GPM6A: variants seen among roughly 807,000 people sequenced by gnomAD.
The protein encoded by GPM6A is neuronal membrane glycoprotein M6-a.
A neutral mutation model predicts 32.1 loss-of-function variants in GPM6A; 7 were observed. The observed-to-expected ratio is 0.22, with a 90% CI of 0.12 to 0.41. The LOEUF is 0.41. Ranked by LOEUF, GPM6A falls within the 10% of genes least tolerant of loss-of-function variation. The pLI is 1.00. For synonymous variants in GPM6A, 130 were observed against 123.4 expected, an observed-to-expected ratio of 1.05 and a Z score of -0.35; for missense variants, 235 against 347.2, an observed-to-expected ratio of 0.68 and a Z score of 2.57.
chr4:175,968,852 C>G (rs1243539524), intron 1 of GPM6A, among the ~76,000 whole-genome samples: 2 of 152,052 alleles, frequency 1.3e-5, no homozygotes, highest in Admixed American at 1.3e-4. Context: ...AATGGTACAG[C>G]CATTTTAGAA....
intron 1 of GPM6A, among the ~76,000 whole-genome samples, chr4:175,888,007 C>A (rs765536185): frequency 2.6e-5 from 4 of 151,678 alleles, no homozygotes; most frequent in Non-Finnish European, 5.9e-5. Context: ...AATCTTAATA[C>A]CAAAGACAGG....
Position 175,678,749 on chromosome 4 carries a change from G to T in GPM6A, c.231-4913C>A, listed in dbSNP as rs544442778. ...ACTTACAGATCAAATTTGACATCAA[G>T]AACACTTTAAAGAGTGTTTCATGGG... On this transcript the variant is annotated intron_variant, in intron 2 of 6. Coordinates refer to ENST00000393658, the MANE Select transcript of GPM6A (RefSeq NM_201591.3). Among the ~76,000 whole-genome samples the T allele has an allele frequency of 5.9e-5, 9 of 152,162 alleles. No individual in the cohort carries two copies. In the South Asian group the frequency reaches 1.0e-3, roughly 18 times the overall value.
chr4:175,787,000 TC>T, intron 1 of GPM6A: 1 of 235,118 alleles, frequency 4.3e-6, no homozygotes, highest in Non-Finnish European at 8.2e-6. Context: ...CGGCATTCCC[TC>T]CCCCAATTGA....
intron 1 of GPM6A, among the ~76,000 whole-genome samples, chr4:175,713,657 C>T (rs1336380462): frequency 6.6e-6 from 1 of 152,102 alleles, no homozygotes; most frequent in Non-Finnish European, 1.5e-5. Flanking sequence ...CAAAAACAAA[C>T]TCAAATGACA....
intron 1 of GPM6A, among the ~76,000 whole-genome samples, chr4:175,895,769 A>C (rs948761434): frequency 3.9e-5 from 6 of 152,194 alleles, no homozygotes; most frequent in Non-Finnish European, 8.8e-5. Flanking sequence ...ATTCTGTATT[A>C]AGTATACTGT....
chr4:175,651,520 C>T (rs371348203), intron 4 of GPM6A, among the ~76,000 whole-genome samples: 12 of 151,888 alleles, frequency 7.9e-5, no homozygotes, highest in East Asian at 1.9e-4. Flanking sequence ...GCAGACATCA[C>T]GTTGAGTTTG....
At position 175,821,318 on chromosome 4, in the gene GPM6A, G is replaced by T. The variant is rs1429076667; in HGVS notation, c.-22-9069C>A. On this transcript the variant is annotated intron_variant, in intron 1 of 7. Transcript: ENST00000280187. ...GTATATTCATGCCCTTCACTCATTTGCCCACAGTATTGTTTGCTTTTTGGT... is the reference window on the plus strand; with the variant it reads ...GTATATTCATGCCCTTCACTCATTTTCCCACAGTATTGTTTGCTTTTTGGT... Among the ~76,000 whole-genome samples, 6 of 151,878 alleles carry T rather than the reference G, an allele frequency of 4.0e-5. No homozygotes were observed. In the East Asian group the frequency reaches 1.2e-3, roughly 29 times the overall value.
At chr4:175,925,209 C>T (rs77153025) in intron 1 of GPM6A, among the ~76,000 whole-genome samples, 6 of 152,290 alleles carry the variant, frequency 3.9e-5, no homozygotes, top group African/African-American at 9.6e-5. Context: ...CAATGATTTA[C>T]GATGTGAAAC....
intron 1 of GPM6A, among the ~76,000 whole-genome samples, chr4:175,902,582 A>T (rs2111493337): frequency 6.6e-6 from 1 of 152,244 alleles, no homozygotes; most frequent in East Asian, 1.9e-4. Context: ...GCAAAATAAA[A>T]GATTTGGGTG....
chr4:175,968,003 T>A (rs560444729), intron 1 of GPM6A, among the ~76,000 whole-genome samples: 84 of 152,234 alleles, frequency 5.5e-4, no homozygotes, highest in African/African-American at 2.0e-3. Context: ...AGGACTGATA[T>A]CACCTGACTT....
chr4:175,637,692 A>AATATATT (rs1342030112), intron 6 of GPM6A, among the ~76,000 whole-genome samples: 1 of 80,902 alleles, frequency 1.2e-5, no homozygotes, highest in Non-Finnish European at 2.1e-5. Context: ...TATAATATAT[A>AATATATT]ATATATTATA....
At chr4:175,804,661 CAAAT>C (rs1369449309) in intron 1 of GPM6A, among the ~76,000 whole-genome samples, 1 of 152,106 alleles carries the variant, frequency 6.6e-6, no homozygotes, top group African/African-American at 2.4e-5. Flanking sequence ...TTTTCCTTGA[CAAAT>C]AAATCATGCT....
chr4:175,828,392 T>A (rs904137006), intron 1 of GPM6A, among the ~76,000 whole-genome samples: 2 of 152,194 alleles, frequency 1.3e-5, no homozygotes, highest in African/African-American at 4.8e-5. Flanking sequence ...TTTGGATGGT[T>A]CCATGGCCTC....
upstream of GPM6A, chr4:175,812,817 T>C (rs915988773): frequency 3.0e-6 from 3 of 985,250 alleles, no homozygotes; most frequent in African/African-American, 5.2e-5. Flanking sequence ...GTCAGATACG[T>C]TGCAAAAAAA....
chr4:175,823,388 G>A (rs10520313), intron 1 of GPM6A, among the ~76,000 whole-genome samples: 11,021 of 152,114 alleles, frequency 0.072, 419 homozygotes, highest in East Asian at 0.11. Flanking sequence ...AATAAGATAC[G>A]TCAGTTAAGC....
At chr4:175,734,153 TA>T (rs368779364) in intron 1 of GPM6A, among the ~76,000 whole-genome samples, 30,626 of 147,282 alleles carry the variant, frequency 0.21, 3,395 homozygotes, top group Non-Finnish European at 0.25. Context: ...TATATATATA[TA>T]TATATATTTT....
intron 1 of GPM6A, chr4:175,781,188 C>T (rs1042909513): frequency 7.2e-5 from 11 of 151,932 alleles, no homozygotes; most frequent in Admixed American, 6.6e-4. Context: ...GTTTTAATAA[C>T]ACGACTCAAA....
intron 1 of GPM6A, among the ~76,000 whole-genome samples, chr4:175,879,471 TC>T (rs1354401031): frequency 4.6e-5 from 7 of 152,150 alleles, no homozygotes; most frequent in Non-Finnish European, 1.0e-4. Flanking sequence ...AGCTAACTCT[TC>T]ACAGGGCGGC....
At chr4:175,813,026 A>G (rs930955610), upstream of GPM6A, 10 of 984,012 alleles carry the variant, frequency 1.0e-5, no homozygotes, top group African/African-American at 1.7e-4. Flanking sequence ...TCTAAGCCTG[A>G]GAGATACATG....
Sources: gnomAD v4.1 joint callset for allele counts (sites outside exome capture counted in the v4.1 genomes callset) on GRCh38, gnomAD v4.1.1 for gene constraint, MANE v1.5 for transcripts, NCBI Gene and HGNC (gene_info 2026-07-23, HGNC 2026-07-21) for gene names.